The following ADGRB3 variants were observed in gnomAD, a reference collection of about 807,000 sequenced individuals.
The protein encoded by ADGRB3 is brain-specific angiogenesis inhibitor 3.
ADGRB3 carries 37 observed loss-of-function variants against 193.4 expected under a neutral mutation model. The observed-to-expected ratio is 0.19, with a 90% CI of 0.15 to 0.25. The LOEUF (loss-of-function observed/expected upper bound fraction) is 0.25. ADGRB3 is among the 10% of genes least tolerant of loss of function. The pLI, the probability that ADGRB3 is intolerant of heterozygous loss-of-function variation, is 1.00. For missense variants in ADGRB3, 1,637 were observed against 1,852.9 expected (o/e 0.88, Z 2.14); for synonymous variants, 690 against 644.2 (o/e 1.07, Z -1.08).
At chr6:68,978,304 A>T (rs1038250513) in intron 10 of ADGRB3, among the ~76,000 whole-genome samples, 9 of 144,628 alleles carry the variant, frequency 6.2e-5, no homozygotes, top group African/African-American at 2.3e-4. Flanking sequence ...AGATGGTTGG[A>T]TAGGTAGGTA....
intron 17 of ADGRB3, among the ~76,000 whole-genome samples, chr6:69,188,825 C>T (rs1313742200): frequency 1.3e-5 from 2 of 151,978 alleles, no homozygotes; most frequent in Non-Finnish European, 2.9e-5. Context: ...CCTTTGTCTC[C>T]ATATATCTTT....
chr6:68,700,164 C>T (rs1221494598), intron 3 of ADGRB3, among the ~76,000 whole-genome samples: 1 of 152,072 alleles, frequency 6.6e-6, no homozygotes, highest in African/African-American at 2.4e-5. Flanking sequence ...ATTCAGGTGC[C>T]TAGGTGGACC....
At chr6:68,998,102 G>A (rs1769445356) in intron 11 of ADGRB3, among the ~76,000 whole-genome samples, 1 of 152,018 alleles carries the variant, frequency 6.6e-6, no homozygotes, top group Non-Finnish European at 1.5e-5. Context: ...TTCTTTCATT[G>A]CTTTAACATG....
intron 26 of ADGRB3, among the ~76,000 whole-genome samples, chr6:69,347,212 TG>T (rs1481450893): frequency 6.6e-6 from 1 of 151,292 alleles, no homozygotes; most frequent in African/African-American, 2.4e-5. Context: ...TGTCGGGAGG[TG>T]GGGGCCTAGG....
intron 17 of ADGRB3, among the ~76,000 whole-genome samples, chr6:69,137,072 TTTTTA>T (rs1179150622): frequency 2.9e-3 from 217 of 74,696 alleles, no homozygotes; most frequent in African/African-American, 6.6e-3. Context: ...TTTTTTTTTT[TTTTTA>T]ATGGTAAGAT....
At chr6:68,896,538 A>T (rs539751446) in intron 3 of ADGRB3, among the ~76,000 whole-genome samples, 1 of 152,248 alleles carries the variant, frequency 6.6e-6, no homozygotes, top group East Asian at 1.9e-4. Context: ...ATTGACTGTA[A>T]CTTTTCTGAA....
intron 3 of ADGRB3, among the ~76,000 whole-genome samples, chr6:68,714,494 G>A (rs1765458482): frequency 6.6e-6 from 1 of 151,694 alleles, no homozygotes; most frequent in African/African-American, 2.4e-5. Context: ...AAATATTGAG[G>A]AGGTAGAAAA....
At chr6:69,195,650 A>T (rs945978090) in intron 17 of ADGRB3, among the ~76,000 whole-genome samples, 1 of 151,920 alleles carries the variant, frequency 6.6e-6, no homozygotes, top group African/African-American at 2.4e-5. Context: ...TATCCTGTGA[A>T]CAAGGGCAGG....
intron 17 of ADGRB3, among the ~76,000 whole-genome samples, chr6:69,217,202 A>C (rs1273532112): frequency 1.3e-5 from 2 of 152,250 alleles, no homozygotes; most frequent in Middle Eastern, 3.4e-3. Context: ...ATCTGGAGAC[A>C]AGAAAATGTG....
At chr6:69,003,943 T>C (rs565576085) in intron 11 of ADGRB3, among the ~76,000 whole-genome samples, 1 of 152,312 alleles carries the variant, frequency 6.6e-6, no homozygotes, top group African/African-American at 2.4e-5. Context: ...AGCTGGTAAA[T>C]GCCATGTGCA....
intron 3 of ADGRB3, among the ~76,000 whole-genome samples, chr6:68,687,474 G>T (rs1312905589): frequency 6.6e-6 from 1 of 152,008 alleles, no homozygotes; most frequent in Non-Finnish European, 1.5e-5. Flanking sequence ...GAAGGCTAAG[G>T]TATCAGTTTT....
At chr6:68,815,160 G>A (rs1187353433) in intron 3 of ADGRB3, among the ~76,000 whole-genome samples, 2 of 152,084 alleles carry the variant, frequency 1.3e-5, no homozygotes, top group Non-Finnish European at 2.9e-5. Flanking sequence ...GGAATGCTTT[G>A]TTTCAAGGCA....
At chr6:69,104,959 T>C (rs1440387757) in intron 17 of ADGRB3, among the ~76,000 whole-genome samples, 1 of 152,208 alleles carries the variant, frequency 6.6e-6, no homozygotes, top group Non-Finnish European at 1.5e-5. Flanking sequence ...AGTTTTATGC[T>C]TTTGATAATA....
chr6:68,835,113 C>A (rs577390959), intron 3 of ADGRB3, among the ~76,000 whole-genome samples: 1 of 152,198 alleles, frequency 6.6e-6, no homozygotes, highest in South Asian at 2.1e-4. Context: ...TTTCAGAACA[C>A]ATTAAACTTT....
chr6:69,038,723 A>G (rs1004206184), intron 13 of ADGRB3, among the ~76,000 whole-genome samples: 1 of 152,244 alleles, frequency 6.6e-6, no homozygotes, highest in Non-Finnish European at 1.5e-5. Flanking sequence ...TGTAGCATAA[A>G]AAGAATAAGC....
intron 18 of ADGRB3, among the ~76,000 whole-genome samples, chr6:69,234,616 A>T (rs921505576): frequency 1.3e-5 from 2 of 152,154 alleles, no homozygotes; most frequent in African/African-American, 4.8e-5. Flanking sequence ...TGTAAATAGT[A>T]GCATCTAGAT....
At chr6:68,785,192 C>T (rs6903692) in intron 3 of ADGRB3, among the ~76,000 whole-genome samples, 110,462 of 151,838 alleles carry the variant, frequency 0.73, 40,471 homozygotes, top group Middle Eastern at 0.9. Flanking sequence ...TTTTAGGGTA[C>T]ATGTGCACAA....
intron 3 of ADGRB3, among the ~76,000 whole-genome samples, chr6:68,821,564 C>T (rs897677293): frequency 6.6e-6 from 1 of 151,432 alleles, no homozygotes; most frequent in African/African-American, 2.4e-5. Context: ...TTAATGGCCT[C>T]ACTTGTTTAT....
intron 3 of ADGRB3, among the ~76,000 whole-genome samples, chr6:68,718,492 C>T (rs1765522111): frequency 6.6e-6 from 1 of 151,758 alleles, no homozygotes; most frequent in Non-Finnish European, 1.5e-5. Context: ...AGTGATCTGC[C>T]ACTGACTCAT....
Sources: gnomAD v4.1 joint callset for allele counts (sites outside exome capture counted in the v4.1 genomes callset) on GRCh38, gnomAD v4.1.1 for gene constraint, MANE v1.5 for transcripts, NCBI Gene and HGNC (gene_info 2026-07-23, HGNC 2026-07-21) for gene names.